Variants in SPG11 observed in about 807,000 individuals in gnomAD.
SPG11 encodes the protein spatacsin.
A neutral mutation model predicts 274.0 loss-of-function variants in SPG11; 222 were observed. That is an observed-to-expected ratio of 0.81 (90% CI 0.73 to 0.91). The LOEUF (loss-of-function observed/expected upper bound fraction) is 0.91. Ranked by LOEUF, SPG11 falls within the 40% of genes least tolerant of loss-of-function variation. The pLI is 0.00. For synonymous variants in SPG11, 1,144 were observed against 1,039.7 expected, an observed-to-expected ratio of 1.10 and a Z score of -1.93; for missense variants, 3,114 against 2,872.7, an observed-to-expected ratio of 1.08 and a Z score of -1.92.
chr15:44,572,832 G>A lies in SPG11; in HGVS notation c.6206-12C>T. 6.2e-7 allele frequency: 1 copy of A among 1,613,868 alleles called. No homozygotes were observed. The highest frequency in any genetic ancestry group is 8.5e-7 in the Non-Finnish European group (1 of 1,179,888). Reference sequence around the variant, plus strand: ...CATCTGCTTATGTCCTGTACAGAGAGGTGTGAAGACAGGTGCTGGTTTTAT... The same window carrying A: ...CATCTGCTTATGTCCTGTACAGAGAAGTGTGAAGACAGGTGCTGGTTTTAT... On this transcript the variant is annotated splice_polypyrimidine_tract_variant and intron_variant, in intron 32 of 39. Transcript: ENST00000261866.
intron 4 of SPG11, among the ~76,000 whole-genome samples, chr15:44,654,052 C>A (rs2084863921): frequency 6.6e-6 from 1 of 152,174 alleles, no homozygotes; most frequent in Non-Finnish European, 1.5e-5. Flanking sequence ...CTCCTGGACT[C>A]AAGCAATCCT....
rs565882152 is a variant in SPG11, at chr15:44,620,727, C to T, written c.2621-324G>A. On this transcript the variant is annotated intron_variant, in intron 14 of 39. Transcript: ENST00000261866. The stretch of plus-strand genomic sequence containing the variant: ...ATTTTTTTTTTTTTTGAGACAGAGT[C>T]TCGCTCTGTAGCCCAGGCTGGAGTG... The T allele has an allele frequency of 2.1e-5, 5 of 236,480 alleles. No homozygotes were observed. In the South Asian group the frequency reaches 2.7e-4, roughly 13 times the overall value. 14.6% of individuals were successfully genotyped at this position (236,480 alleles called of 1,614,324 possible).
chr15:44,583,094 AC>A (rs1477344048), intron 30 of SPG11, among the ~76,000 whole-genome samples: 1 of 152,246 alleles, frequency 6.6e-6, no homozygotes, highest in African/African-American at 2.4e-5. Context: ...TTTGCAGATG[AC>A]ATGAATGTCT....
rs886819382 is a variant in SPG11 at position 44,596,146 on chromosome 15, C to T, written c.4371G>A (p.Trp1457Ter). ...GTTGTTTCACTGCTTCAACCAGAAGCCAGTGCCAGGAGTCTGGCTCCTCTG... is the reference window on the plus strand; with the variant it reads ...GTTGTTTCACTGCTTCAACCAGAAGTCAGTGCCAGGAGTCTGGCTCCTCTG... ...QCSEEPDSWH[W>*]LLVEAVKQQA... Residue 1457 changes from tryptophan to a stop codon, truncating the protein, a stop_gained, in exon 25 of 40, where the codon TGG (tryptophan) becomes TGA (stop). Coordinates refer to ENST00000261866, the MANE Select transcript of SPG11 (RefSeq NM_025137.4). LOFTEE classifies it high-confidence loss of function. 1 of 1,614,126 alleles carries T rather than the reference C, an allele frequency of 6.2e-7. No homozygotes were observed. Among genetic ancestry groups the T allele is most frequent in the Non-Finnish European group, 8.5e-7 (1 of 1,180,026 alleles).
At chr15:44,620,082 A>G (rs912598967) in intron 15 of SPG11, 108 bp downstream of exon 15, 2 of 893,514 alleles carry the variant, frequency 2.2e-6, no homozygotes, top group Non-Finnish European at 3.6e-6. Context: ...AATATGAAAC[A>G]ACACTACACT....
intron 38 of SPG11, among the ~76,000 whole-genome samples, chr15:44,565,591 G>A (rs2082290728): frequency 1.3e-5 from 2 of 152,192 alleles, no homozygotes; most frequent in African/African-American, 4.8e-5. Flanking sequence ...GGGTTAAAGG[G>A]CCAAAGGTGT....
chr15:44,660,881 C>T (rs1262454714), intron 1 of SPG11, among the ~76,000 whole-genome samples: 1 of 152,098 alleles, frequency 6.6e-6, no homozygotes, highest in Non-Finnish European at 1.5e-5. Context: ...TCCATTTATT[C>T]TTTCATCTTT....
chr15:44,589,243 T>C lies in SPG11; in HGVS notation c.4906+9A>G, dbSNP rs756226746. The stretch of plus-strand genomic sequence containing the variant: ...CTTAATAGCAACTTAACTGTAAGGA[T>C]TGTCTTACCATCAGAGAAGAGATGC... On this transcript the variant is annotated intron_variant, in intron 28 of 39. Coordinates refer to ENST00000261866, the MANE Select transcript of SPG11 (RefSeq NM_025137.4). 44 of 1,613,282 alleles carry C rather than the reference T, an allele frequency of 2.7e-5. No homozygotes were observed. The highest frequency in any genetic ancestry group is 1.1e-4 in the East Asian group (5 of 44,894).
At chr15:44,663,241 C>T (rs2085170799) in intron 1 of SPG11, 150 bp downstream of exon 1, 3 of 1,070,134 alleles carry the variant, frequency 2.8e-6, no homozygotes, top group Non-Finnish European at 4.0e-6. Flanking sequence ...GAGGAAACCA[C>T]GCTCGCCTCT....
chr15:44,635,293 G>A (rs924724871), intron 7 of SPG11, among the ~76,000 whole-genome samples: 1 of 152,080 alleles, frequency 6.6e-6, no homozygotes, highest in Non-Finnish European at 1.5e-5. Context: ...TTACAAAGTT[G>A]TTGGGGCACA....
At chr15:44,657,047 T>C in intron 4 of SPG11, 48 bp downstream of exon 4, 2 of 1,525,788 alleles carry the variant, frequency 1.3e-6, no homozygotes, top group South Asian at 1.2e-5. Flanking sequence ...TAACCTCTTA[T>C]CAGTCTAACT....
intron 14 of SPG11, chr15:44,620,830 C>A (rs150531433): frequency 0.011 from 1,921 of 168,648 alleles, 21 homozygotes; most frequent in South Asian, 0.022. Flanking sequence ...TCCCAAGTAG[C>A]TGGGATTACA....
chr15:44,575,877 T>G (rs886210499), intron 30 of SPG11, among the ~76,000 whole-genome samples: 1 of 152,166 alleles, frequency 6.6e-6, no homozygotes, highest in Admixed American at 6.5e-5. Flanking sequence ...GTGCGGTGGC[T>G]CACGCCTATA....
chr15:44,580,893 G>GTTT (rs2082646778), intron 30 of SPG11, among the ~76,000 whole-genome samples: 1 of 152,188 alleles, frequency 6.6e-6, no homozygotes, highest in Non-Finnish European at 1.5e-5. Context: ...AGGAGGTAGG[G>GTTT]TATGGTGCTG....
intron 14 of SPG11, chr15:44,621,551 T>C: frequency 1.8e-6 from 1 of 547,276 alleles, no homozygotes; most frequent in Non-Finnish European, 3.2e-6. Flanking sequence ...CAATTAACTA[T>C]TTTTTTCTTT....
intron 15 of SPG11, 35 bp downstream of exon 15, chr15:44,620,155 C>T: frequency 6.6e-7 from 1 of 1,511,040 alleles, no homozygotes; most frequent in Non-Finnish European, 9.2e-7. Flanking sequence ...CCCTTGTATT[C>T]TTCCCATTGG....
At chr15:44,595,953 T>C in intron 25 of SPG11, 130 bp downstream of exon 25, 2 of 1,252,608 alleles carry the variant, frequency 1.6e-6, no homozygotes, top group Non-Finnish European at 2.3e-6. Context: ...AATGTTGCAG[T>C]GAACTTGGAA....
In SPG11 at chr15:44,663,573, A is replaced by T; in HGVS notation, c.75T>A (p.Val25=). The T allele has an allele frequency of 6.3e-7, 1 of 1,596,564 alleles. No homozygotes were observed. Among genetic ancestry groups the T allele is most frequent in the Non-Finnish European group, 8.5e-7 (1 of 1,173,682 alleles). ...GSWGTAAMGR[V]LPMLLVPVPA... is the part of the protein sequence containing the mutation. ...GGACTGGCACCAACAGCATCGGTAG[A>T]ACCCGCCCCATGGCCGCGGTGCCCC... Residue 25 remains valine, a synonymous_variant, in exon 1 of 40, where the codon GTT becomes GTA. Transcript: ENST00000261866.
chr15:44,568,081 G>C, intron 35 of SPG11, among the ~76,000 whole-genome samples: 1 of 152,144 alleles, frequency 6.6e-6, no homozygotes, highest in Admixed American at 6.5e-5. Flanking sequence ...TCTCTTCACT[G>C]TATAAGTTTT....
Sources: allele counts gnomAD v4.1 joint callset (sites outside exome capture counted in the v4.1 genomes callset), GRCh38; gene constraint gnomAD v4.1.1; transcripts MANE v1.5; gene names NCBI Gene and HGNC (gene_info 2026-07-23, HGNC 2026-07-21).